AVEN: variants seen among roughly 807,000 people sequenced by gnomAD.
AVEN encodes apoptosis and caspase activation inhibitor.
AVEN carries 41 observed loss-of-function variants against 38.1 expected under a neutral mutation model. That is an observed-to-expected ratio of 1.08 (90% CI 0.84 to 1.40). The LOEUF (loss-of-function observed/expected upper bound fraction) is 1.40. AVEN is among the 40% of genes most tolerant of loss of function. The pLI is 0.00. For missense variants in AVEN, 605 were observed against 438.8 expected (o/e 1.38, Z -3.38); for synonymous variants, 206 against 171.8 (o/e 1.20, Z -1.56).
chr15:34,029,382 GA>G (rs1898653703), intron 1 of AVEN, among the ~76,000 whole-genome samples: 5 of 151,676 alleles, frequency 3.3e-5, no homozygotes, highest in South Asian at 4.2e-4. Flanking sequence ...ATAAGAGGGG[GA>G]AAAAAAAGTT....
intron 2 of AVEN, among the ~76,000 whole-genome samples, chr15:33,919,805 G>A (rs934495906): frequency 6.6e-6 from 1 of 152,076 alleles, no homozygotes; most frequent in African/African-American, 2.4e-5. Context: ...TTAACACGAA[G>A]TACAAAAAAA....
At chr15:34,024,426 C>A (rs1307802465) in intron 1 of AVEN, among the ~76,000 whole-genome samples, 1 of 145,138 alleles carries the variant, frequency 6.9e-6, no homozygotes, top group Non-Finnish European at 1.5e-5. Context: ...AAGGCCAAGA[C>A]TGCACCACTG....
intron 2 of AVEN, among the ~76,000 whole-genome samples, chr15:33,933,272 C>G (rs903796979): frequency 2.0e-5 from 3 of 152,076 alleles, no homozygotes; most frequent in Non-Finnish European, 4.4e-5. Flanking sequence ...TCTCTCTGTT[C>G]TACACAAAGC....
intron 1 of AVEN, among the ~76,000 whole-genome samples, chr15:34,070,746 A>G (rs1368003628): frequency 1.3e-4 from 20 of 152,250 alleles, no homozygotes; most frequent in Admixed American, 1.3e-3. Flanking sequence ...CTCTGGAGAC[A>G]CTAAGTAATA....
the AVEN span, chr15:33,853,155 C>A: frequency 7.7e-7 from 1 of 1,303,164 alleles, no homozygotes; most frequent in Non-Finnish European, 1.1e-6. Context: ...TTTAAGTTCT[C>A]CACATACAAA....
At chr15:33,917,435 TAC>T (rs1567412550) in intron 2 of AVEN, among the ~76,000 whole-genome samples, 1 of 149,008 alleles carries the variant, frequency 6.7e-6, no homozygotes, top group African/African-American at 2.5e-5. Context: ...ACTATATATA[TAC>T]ACACATATAT....
rs1424589267 is a variant in AVEN, at chr15:33,867,819, T to A, written c.649A>T (p.Lys217Ter). ...AATCCCTTGCCATCATCAGTTCTCT[T>A]TGGTTTCACCTGAGGAACCTCTAAA... Reference protein sequence around the residue: ...VPLEVPQVKPKRTDDGKGLGM... With the variant: ...VPLEVPQVKP The change falls in exon 5 of 6, where the codon AAG becomes TAG. Residue 217 changes from lysine to a stop codon, truncating the protein, a stop_gained. Transcript: ENST00000306730. LOFTEE classifies it high-confidence loss of function. 8 of 1,605,838 alleles carry A rather than the reference T, an allele frequency of 5.0e-6. No individual in the cohort carries two copies. The highest frequency in any genetic ancestry group is 6.8e-6 in the Non-Finnish European group (8 of 1,177,572).
chr15:33,867,966 CAATTCAGA>C, intron 4 of AVEN, 111 bp from the exon 5 acceptor site: 1 of 1,389,922 alleles, frequency 7.2e-7, no homozygotes, highest in African/African-American at 1.4e-5. Context: ...AGAGGAAACT[CAATTCAGA>C]TAGTTCACAA....
At chr15:33,918,458 CTTTTTTTT>C (rs33928063) in intron 2 of AVEN, among the ~76,000 whole-genome samples, 18 of 84,508 alleles carry the variant, frequency 2.1e-4, no homozygotes, top group African/African-American at 7.4e-4. Flanking sequence ...TAAATTACAG[CTTTTTTTT>C]TTTTTTTTTT....
upstream of AVEN, among the ~76,000 whole-genome samples, chr15:34,043,392 A>C (rs1022369587): frequency 6.6e-6 from 1 of 152,192 alleles, no homozygotes; most frequent in Non-Finnish European, 1.5e-5. Context: ...TCTTCTCTTC[A>C]TAGGCAAGCA....
At chr15:34,022,198 T>C (rs1443971958) in intron 1 of AVEN, among the ~76,000 whole-genome samples, 1 of 152,222 alleles carries the variant, frequency 6.6e-6, no homozygotes, top group Non-Finnish European at 1.5e-5. Flanking sequence ...AATGGCATCA[T>C]GGCCCCATGT....
chr15:33,945,787 A>G (rs762200751), intron 2 of AVEN, among the ~76,000 whole-genome samples: 3 of 152,036 alleles, frequency 2.0e-5, no homozygotes, highest in African/African-American at 4.8e-5. Context: ...GGGTTTCGCT[A>G]TGTTGGCCAG....
intron 2 of AVEN, among the ~76,000 whole-genome samples, chr15:33,888,194 C>T (rs1165294502): frequency 1.3e-5 from 2 of 152,054 alleles, no homozygotes; most frequent in Non-Finnish European, 2.9e-5. Flanking sequence ...GTATTAAGTG[C>T]TGAAAATATA....
At chr15:34,042,218 T>G (rs923662416), upstream of AVEN, among the ~76,000 whole-genome samples, 1 of 152,154 alleles carries the variant, frequency 6.6e-6, no homozygotes, top group Admixed American at 6.5e-5. Context: ...TGGTATTGCT[T>G]TTGCTTGATA....
intron 2 of AVEN, among the ~76,000 whole-genome samples, chr15:33,900,952 AC>A (rs1892472428): frequency 6.6e-6 from 1 of 152,066 alleles, no homozygotes; most frequent in Non-Finnish European, 1.5e-5. Context: ...GATGTAAGTA[AC>A]TCCATCTTAG....
chr15:33,866,681 G>A lies in AVEN; in HGVS notation c.1021C>T (p.Gln341Ter), dbSNP rs756625591. ...GTAACATTTTTGGAGGTACTTGGTT[G>A]CTCAGGTTCCATGTTTTTTTCTTCA... ...VTEEKNMEPE[Q>*]PSTSKNVTEE... Residue 341 changes from glutamine (Q) to a stop codon, truncating the protein, a stop_gained, in exon 6 of 6, where the codon CAA becomes TAA. Transcript: ENST00000306730. LOFTEE classifies it high-confidence loss of function. 6.2e-7 allele frequency: 1 copy of A among 1,613,866 alleles called. No individual in the cohort carries two copies. The highest frequency in any genetic ancestry group is 1.3e-5 in the African/African-American group (1 of 74,884).
chr15:33,904,058 G>A (rs751185806), intron 2 of AVEN, among the ~76,000 whole-genome samples: 12 of 152,164 alleles, frequency 7.9e-5, no homozygotes, highest in Non-Finnish European at 1.6e-4. Context: ...GACCACTGTC[G>A]TATATGTGGT....
rs769436241 is a variant in AVEN at position 33,866,702 on chromosome 15, C to A, written c.1000G>T (p.Glu334Ter). Residue 334 changes from glutamate to a stop codon, truncating the protein, a stop_gained, in exon 6 of 6, where the codon GAA (glutamate) becomes TAA (stop). Transcript: ENST00000306730. LOFTEE classifies it high-confidence loss of function. ...GGTTGCTCAGGTTCCATGTTTTTTT[C>A]TTCAGTCACAGATGGTTTTGCACAA... The part of the protein sequence containing the change: ...EVCAKPSVTE[E>*]KNMEPEQPST... 33 of 1,613,760 alleles carry A rather than the reference C, an allele frequency of 2.0e-5. No individual in the cohort carries two copies. The Middle Eastern group carries it at 2.5e-3, about 121-fold the overall frequency.
Position 33,988,901 on chromosome 15 carries a change from A to G in AVEN, c.445+14131T>C, listed in dbSNP as rs1277934597. Among the ~76,000 whole-genome samples the G allele has an allele frequency of 2.6e-5, 4 of 152,344 alleles. No homozygotes were observed. The East Asian group carries it at 5.8e-4, about 22-fold the overall frequency. On this transcript the variant is annotated intron_variant, in intron 2 of 5. Coordinates refer to ENST00000306730, the MANE Select transcript of AVEN (RefSeq NM_020371.3). ...CAACTATCCCTTGGATGCCCAGTTAACACTCATAACACAAATGGCTAATCT... is the reference window on the plus strand; with the variant it reads ...CAACTATCCCTTGGATGCCCAGTTAGCACTCATAACACAAATGGCTAATCT...
Sources: gnomAD v4.1 joint callset for allele counts (sites outside exome capture counted in the v4.1 genomes callset) on GRCh38, gnomAD v4.1.1 for gene constraint, MANE v1.5 for transcripts, NCBI Gene and HGNC (gene_info 2026-07-23, HGNC 2026-07-21) for gene names.